XIAP: variants seen among roughly 807,000 people sequenced by gnomAD.
XIAP encodes X-linked inhibitor of apoptosis.
In XIAP, 3 loss-of-function variants were observed where a neutral mutation model predicts 33.1. The ratio of observed to expected loss-of-function variants is 0.09; its 90% CI spans 0.04 to 0.23. The LOEUF (loss-of-function observed/expected upper bound fraction) is 0.23, where lower values mean the gene tolerates loss of function less well. Among genes scored for constraint, XIAP ranks in the 10% least tolerant of loss-of-function variants. XIAP has a pLI of 1.00. For synonymous variants in XIAP, 98 were observed against 121.3 expected (o/e 0.81, Z 1.26); for missense variants, 264 against 363.0 (o/e 0.73, Z 2.22).
chrX:123,868,345 T>C (rs957838051), intron 1 of XIAP, among the ~76,000 whole-genome samples: 2 of 111,324 alleles, frequency 1.8e-5, no homozygotes, highest in Non-Finnish European at 3.8e-5. Context: ...GTGGCTGGGC[T>C]TAAGGACTAG....
chrX:123,864,530 G>A (rs1251915711), intron 1 of XIAP, among the ~76,000 whole-genome samples: 2 of 95,158 alleles, frequency 2.1e-5, no homozygotes, highest in Admixed American at 1.3e-4. Flanking sequence ...GCAGTAGCGC[G>A]ATCTTGGCTC....
intron 1 of XIAP, 133 bp downstream of exon 1, chrX:123,860,426 A>G (rs1410930363): frequency 3.6e-6 from 1 of 275,262 alleles, no homozygotes; most frequent in Non-Finnish European, 7.0e-6. Flanking sequence ...GCGCCAGCCC[A>G]TCAGGGGTGG....
intron 1 of XIAP, among the ~76,000 whole-genome samples, chrX:123,881,319 A>G (rs1320680523): frequency 9.0e-6 from 1 of 110,671 alleles, no homozygotes; most frequent in Non-Finnish European, 1.9e-5. Context: ...CTCCATATAT[A>G]CTTGTTTTCT....
At chrX:123,894,862 T>C (rs940863096) in intron 5 of XIAP, among the ~76,000 whole-genome samples, 1 of 110,570 alleles carries the variant, frequency 9.0e-6, no homozygotes, top group Non-Finnish European at 1.9e-5. Flanking sequence ...AAAAATTTCT[T>C]GAACCTGGAA....
At chrX:123,879,600 C>G (rs2053279378) in intron 1 of XIAP, among the ~76,000 whole-genome samples, 1 of 108,588 alleles carries the variant, frequency 9.2e-6, no homozygotes, top group Non-Finnish European at 1.9e-5. Flanking sequence ...CAGGCGTGAG[C>G]CACCGCGCCT....
chrX:123,906,937 T>A, intron 6 of XIAP, 51 bp from the exon 7 acceptor site: 2 of 1,184,843 alleles, frequency 1.7e-6, no homozygotes, highest in South Asian at 3.6e-5. Flanking sequence ...TCAATGAATT[T>A]AAACAACTAA....
At chrX:123,874,808 C>T (rs1450488097) in intron 1 of XIAP, among the ~76,000 whole-genome samples, 1 of 104,534 alleles carries the variant, frequency 9.6e-6, no homozygotes, top group African/African-American at 3.5e-5. Flanking sequence ...AATTCTCCTG[C>T]CTCAGTCTCC....
chrX:123,913,753 CTGAT>C lies in XIAP; in HGVS notation c.*6573_*6576del, dbSNP rs2053628568. 1 of 323,951 alleles carries C rather than the reference CTGAT, an allele frequency of 3.1e-6. No homozygotes were observed. The highest frequency in any genetic ancestry group is 5.9e-6 in the Non-Finnish European group (1 of 168,801). 26.7% of individuals were successfully genotyped at this position (323,951 alleles called of 1,213,427 possible). On this transcript the variant is annotated 3_prime_UTR_variant, in exon 7 of 7. Coordinates refer to ENST00000371199, the MANE Select transcript of XIAP (RefSeq NM_001167.4). ...TACTGTTATATTTTAACCTGACTGA[CTGAT>C]CTAATTGTATTAGTATTGTGAATAA... is the stretch of plus-strand genomic sequence containing the variant.
chrX:123,889,275 A>G (rs2053382484), intron 3 of XIAP, among the ~76,000 whole-genome samples: 1 of 109,607 alleles, frequency 9.1e-6, no homozygotes, highest in Non-Finnish European at 1.9e-5. Flanking sequence ...TATTTTTAGT[A>G]GAGGCAGGGT....
chrX:123,891,823 T>TAAAAA, intron 4 of XIAP, among the ~76,000 whole-genome samples: 1 of 76,497 alleles, frequency 1.3e-5, no homozygotes. Context: ...CCCTATCTCT[T>TAAAAA]AAAAAAAAAA....
Position 123,908,000 on chromosome X carries a change from G to A in XIAP, c.*819G>A. 1.1e-5 allele frequency: 4 copies of A among 372,984 alleles called. No individual in the cohort carries two copies. The highest frequency in any genetic ancestry group is 2.6e-5 in the South Asian group (1 of 37,748). The allele number at this position is 372,984 out of a possible 1,213,427, so 30.7% of individuals were successfully genotyped here. On this transcript the variant is annotated 3_prime_UTR_variant, in exon 7 of 7. Coordinates refer to ENST00000371199, the MANE Select transcript of XIAP (RefSeq NM_001167.4). ...GGGGCCCCAGAGGGGTTTTATAGGG[G>A]CCTTTTCACTTTCTACTTTTTTCAT...
At chrX:123,868,967 A>G (rs1032530456) in intron 1 of XIAP, among the ~76,000 whole-genome samples, 37 of 110,813 alleles carry the variant, frequency 3.3e-4, no homozygotes, top group African/African-American at 1.2e-3. Context: ...TTATGGATAC[A>G]TGTGATTCAC....
rs2053292291 is a variant in XIAP, at chrX:123,880,623, G to C, written c.-32-5008G>C. On this transcript the variant is annotated intron_variant, in intron 1 of 6. Coordinates refer to ENST00000371199, the MANE Select transcript of XIAP (RefSeq NM_001167.4). ...GTGGTGGCGGGCGCCTGTAATCCCA[G>C]CTACTTGGGAGGCTGAGACAGGAGA... is the stretch of plus-strand genomic sequence containing the variant. Among the ~76,000 whole-genome samples the C allele has an allele frequency of 6.6e-5, 7 of 106,581 alleles. No individual in the cohort carries two copies. In the South Asian group the frequency reaches 1.7e-3, roughly 26 times the overall value. The allele number at this position is 106,581 out of a possible 115,157, so 92.6% of individuals were successfully genotyped here.
intron 1 of XIAP, among the ~76,000 whole-genome samples, chrX:123,863,130 T>C (rs2053097124): frequency 9.1e-6 from 1 of 110,103 alleles, no homozygotes; most frequent in African/African-American, 3.3e-5. Context: ...GTAGACTCTT[T>C]GTAGATAAGA....
intron 1 of XIAP, among the ~76,000 whole-genome samples, chrX:123,864,489 C>A (rs757065075): frequency 1.4e-5 from 1 of 72,119 alleles, no homozygotes; most frequent in Non-Finnish European, 2.4e-5. Flanking sequence ...TTTGAGACGA[C>A]GGAGTCTGGC....
intron 1 of XIAP, 74 bp from the exon 2 acceptor site, chrX:123,885,554 TTTG>T (rs2053343627): frequency 1.2e-6 from 1 of 836,915 alleles, no homozygotes; most frequent in Non-Finnish European, 1.7e-6. Context: ...AAGTGGATAA[TTTG>T]TTAGCTCCTA....
rs2053579017 is a variant in XIAP, at chrX:123,909,286, C to T, written c.*2105C>T. Reference sequence around the variant, plus strand: ...CCTCAAGAGATCCACTCGCCTTGCCCTCCCAAAGTGCTGGGATTACAGGCT... The same window carrying T: ...CCTCAAGAGATCCACTCGCCTTGCCTTCCCAAAGTGCTGGGATTACAGGCT... On this transcript the variant is annotated 3_prime_UTR_variant, in exon 7 of 7. Transcript: ENST00000371199. The T allele has an allele frequency of 3.0e-6, 1 of 328,910 alleles. No individual in the cohort carries two copies. Among genetic ancestry groups the T allele is most frequent in the Admixed American group, 3.1e-5 (1 of 32,213 alleles). The allele number at this position is 328,910 out of a possible 1,213,427, so 27.1% of individuals were successfully genotyped here.
intron 1 of XIAP, among the ~76,000 whole-genome samples, chrX:123,865,580 T>G (rs1300624330): frequency 1.9e-5 from 2 of 105,667 alleles, no homozygotes; most frequent in Non-Finnish European, 3.9e-5. Context: ...AAAAATTAGC[T>G]GGGCGTGGTG....
intron 1 of XIAP, chrX:123,878,941 A>G (rs972621889): frequency 3.5e-5 from 4 of 114,930 alleles, no homozygotes; most frequent in African/African-American, 9.7e-5. Context: ...CAGTAACATT[A>G]TTCTCCTGGT....
Sources: allele counts gnomAD v4.1 joint callset (sites outside exome capture counted in the v4.1 genomes callset), GRCh38; gene constraint gnomAD v4.1.1; transcripts MANE v1.5; gene names NCBI Gene and HGNC (gene_info 2026-07-23, HGNC 2026-07-21).